TCF12: variants seen among roughly 807,000 people sequenced by gnomAD.
TCF12 encodes transcription factor 12, also known as DNA-binding protein HTF4.
In TCF12, 45 loss-of-function variants were observed where a neutral mutation model predicts 86.0. That is an observed-to-expected ratio of 0.52 (90% CI 0.41 to 0.67). The LOEUF is 0.67. TCF12 is among the 30% of genes least tolerant of loss of function. The probability of loss-of-function intolerance (pLI) is 0.00; values close to 1 mark genes in which losing one functional copy is unlikely to be tolerated. For synonymous variants in TCF12, 330 were observed against 299.6 expected (o/e 1.10, Z -1.05); for missense variants, 881 against 859.9 (o/e 1.02, Z -0.31).
At chr15:57,277,607 G>A (rs1046568045) in intron 19 of TCF12, among the ~76,000 whole-genome samples, 21 of 142,024 alleles carry the variant, frequency 1.5e-4, no homozygotes, top group Non-Finnish European at 2.3e-4. Context: ...CCAGCCTGGC[G>A]ACAGAGTGAG....
chr15:57,048,371 C>T (rs1331423608), intron 3 of TCF12, among the ~76,000 whole-genome samples: 1 of 152,178 alleles, frequency 6.6e-6, no homozygotes, highest in Non-Finnish European at 1.5e-5. Context: ...ACGCCATTCT[C>T]CTGCCTCAGC....
chr15:57,100,865 T>C (rs1248053642), intron 5 of TCF12, among the ~76,000 whole-genome samples: 1 of 152,208 alleles, frequency 6.6e-6, no homozygotes, highest in African/African-American at 2.4e-5. Flanking sequence ...AAGCATATAC[T>C]GAATTGCTTT....
chr15:57,042,319 A>G (rs2066950391), intron 3 of TCF12, among the ~76,000 whole-genome samples: 1 of 152,172 alleles, frequency 6.6e-6, no homozygotes, highest in Non-Finnish European at 1.5e-5. Flanking sequence ...TTCTTTGAAG[A>G]TAAAGGATCG....
intron 8 of TCF12, among the ~76,000 whole-genome samples, chr15:57,228,318 G>A (rs2058979833): frequency 6.6e-6 from 1 of 152,056 alleles, no homozygotes; most frequent in Admixed American, 6.6e-5. Context: ...GCCTGTGTTA[G>A]AAATGCTGGT....
At chr15:56,960,771 C>T (rs1567168505) in intron 3 of TCF12, among the ~76,000 whole-genome samples, 1 of 152,000 alleles carries the variant, frequency 6.6e-6, no homozygotes, top group South Asian at 2.1e-4. Flanking sequence ...TATATAAACC[C>T]TTTCCCTCTC....
At chr15:57,217,153 A>C (rs2058366337) in intron 8 of TCF12, among the ~76,000 whole-genome samples, 1 of 152,162 alleles carries the variant, frequency 6.6e-6, no homozygotes, top group Non-Finnish European at 1.5e-5. Context: ...TAGAAGCAAA[A>C]GCTTTTAATT....
At chr15:57,140,646 T>C (rs771962647) in intron 5 of TCF12, among the ~76,000 whole-genome samples, 6 of 152,208 alleles carry the variant, frequency 3.9e-5, no homozygotes, top group Non-Finnish European at 8.8e-5. Flanking sequence ...TATTTAACTA[T>C]TTATTTGGGA....
chr15:57,197,880 C>G (rs191161655), intron 8 of TCF12, 55 bp downstream of exon 8: 2 of 1,559,558 alleles, frequency 1.3e-6, no homozygotes, highest in Non-Finnish European at 1.8e-6. Flanking sequence ...TCAAGTGTTC[C>G]GTATTACCTT....
At chr15:57,260,147 A>G (rs1299755944) in intron 16 of TCF12, among the ~76,000 whole-genome samples, 1 of 152,184 alleles carries the variant, frequency 6.6e-6, no homozygotes, top group Non-Finnish European at 1.5e-5. Flanking sequence ...CTTAGTTTGT[A>G]TTGTTCTATA....
intron 5 of TCF12, among the ~76,000 whole-genome samples, chr15:57,132,242 C>G (rs1403702744): frequency 6.6e-6 from 1 of 152,036 alleles, no homozygotes; most frequent in African/African-American, 2.4e-5. Flanking sequence ...TTGTAGTGGG[C>G]GTATTTTCAT....
chr15:56,958,674 A>AGTGTGTGTGT (rs1405638725), intron 3 of TCF12, among the ~76,000 whole-genome samples: 3 of 64,472 alleles, frequency 4.7e-5, no homozygotes, highest in African/African-American at 1.4e-4. Context: ...AGAGAGAGAG[A>AGTGTGTGTGT]GAGAGTGTGT....
chr15:57,084,741 G>T (rs2048517392), intron 4 of TCF12, among the ~76,000 whole-genome samples: 1 of 151,820 alleles, frequency 6.6e-6, no homozygotes. Context: ...ATAAACTAAA[G>T]AATATATAGA....
At chr15:57,139,543 A>C (rs2052802279) in intron 5 of TCF12, among the ~76,000 whole-genome samples, 1 of 152,096 alleles carries the variant, frequency 6.6e-6, no homozygotes, top group African/African-American at 2.4e-5. Context: ...AGTATCACTC[A>C]TTACATAGGG....
At chr15:57,210,258 C>T (rs76571666) in intron 8 of TCF12, among the ~76,000 whole-genome samples, 1,732 of 151,348 alleles carry the variant, frequency 0.011, 31 homozygotes, top group African/African-American at 0.039. Context: ...GCAATACAGC[C>T]ATAGCTCTTC....
At chr15:57,090,496 G>C (rs2048924611) in intron 4 of TCF12, among the ~76,000 whole-genome samples, 1 of 152,224 alleles carries the variant, frequency 6.6e-6, no homozygotes, top group Non-Finnish European at 1.5e-5. Flanking sequence ...TGTTAAAACA[G>C]AACAGCAGAA....
intron 5 of TCF12, among the ~76,000 whole-genome samples, chr15:57,124,042 T>TGAGCTCAAGTGATCCCGC (rs1339586051): frequency 2.6e-4 from 40 of 151,034 alleles, no homozygotes; most frequent in African/African-American, 9.7e-4. Flanking sequence ...CTCAAATTCC[T>TGAGCTCAAGTGATCCCGC]GAGCTCAAGT....
chr15:57,001,047 T>A (rs1387743118), intron 3 of TCF12, among the ~76,000 whole-genome samples: 1 of 144,276 alleles, frequency 6.9e-6, no homozygotes, highest in Non-Finnish European at 1.5e-5. Flanking sequence ...GGAGTCTTGC[T>A]CTGTCATCAC....
At chr15:57,096,937 C>T (rs2049364217) in intron 5 of TCF12, among the ~76,000 whole-genome samples, 1 of 152,118 alleles carries the variant, frequency 6.6e-6, no homozygotes, top group Non-Finnish European at 1.5e-5. Flanking sequence ...GCTGGAATCT[C>T]TTTGCTTAAC....
chr15:57,218,030 A>G (rs1386858952), intron 8 of TCF12, among the ~76,000 whole-genome samples: 1 of 152,158 alleles, frequency 6.6e-6, no homozygotes. Flanking sequence ...TTGTTCCAAT[A>G]CTATCAGCTT....
Sources: gnomAD v4.1 joint callset for allele counts (sites outside exome capture counted in the v4.1 genomes callset) on GRCh38, gnomAD v4.1.1 for gene constraint, MANE v1.5 for transcripts, NCBI Gene and HGNC (gene_info 2026-07-23, HGNC 2026-07-21) for gene names.